Variants in SRRM3 observed in about 807,000 individuals in gnomAD.
SRRM3 encodes the protein serine/arginine repetitive matrix protein 3.
In SRRM3, 27 loss-of-function variants were observed where a neutral mutation model predicts 66.2. The ratio of observed to expected loss-of-function variants is 0.41; its 90% confidence interval spans 0.30 to 0.56. The LOEUF is 0.56. Among genes scored for constraint, SRRM3 ranks in the 20% least tolerant of loss-of-function variants. The pLI, the probability that SRRM3 is intolerant of heterozygous loss-of-function variation, is 0.32. For synonymous variants in SRRM3, 391 were observed against 414.9 expected, an observed-to-expected ratio of 0.94 and a Z score of 0.70; for missense variants, 918 against 991.9, an observed-to-expected ratio of 0.93 and a Z score of 1.00.
chr7:76,261,721 C>A, intron 8 of SRRM3, 140 bp downstream of exon 8: 1 of 943,842 alleles, frequency 1.1e-6, no homozygotes, highest in Non-Finnish European at 1.7e-6. Flanking sequence ...AGCCAGGCTG[C>A]GGGGACAGGG....
At chr7:76,204,827 C>T (rs549720159) in intron 1 of SRRM3, among the ~76,000 whole-genome samples, 26 of 152,314 alleles carry the variant, frequency 1.7e-4, no homozygotes, top group Admixed American at 1.7e-3. Context: ...AATCCTAACA[C>T]TTTGGGAGGC....
intron 1 of SRRM3, among the ~76,000 whole-genome samples, chr7:76,227,265 C>T (rs117496286): frequency 6.6e-6 from 1 of 152,176 alleles, no homozygotes; most frequent in Non-Finnish European, 1.5e-5. Flanking sequence ...GTCAATGCCC[C>T]CAAAGACCAG....
intron 2 of SRRM3, among the ~76,000 whole-genome samples, chr7:76,236,688 A>T (rs1195522928): frequency 1.3e-5 from 2 of 152,232 alleles, no homozygotes; most frequent in African/African-American, 4.8e-5. Flanking sequence ...CTGCCAGGCA[A>T]GGCTGCTTGT....
intron 1 of SRRM3, among the ~76,000 whole-genome samples, chr7:76,233,596 A>G (rs986560087): frequency 2.6e-5 from 4 of 152,274 alleles, no homozygotes; most frequent in African/African-American, 9.6e-5. Context: ...GCGGGAAGCC[A>G]GCAGGTGTGG....
chr7:76,261,355 TG>T lies in SRRM3; in HGVS notation c.582del (p.Ser195AlafsTer12). ...GCCCACCTCCCTGTGTCCACAGCTG[TG>T]GGAGCTCCTCACCCCTCCGCAAGAA... ...KRRLESECSC[G>X]SSSPLRKKKK... On this transcript the variant is annotated frameshift_variant, in exon 7 of 15. Transcript: ENST00000611745. LOFTEE classifies it high-confidence loss of function. 1 of 1,392,396 alleles carries T rather than the reference TG, an allele frequency of 7.2e-7. No individual in the cohort carries two copies. The highest frequency in any genetic ancestry group is 9.5e-7 in the Non-Finnish European group (1 of 1,048,820). 86.3% of individuals were successfully genotyped at this position (1,392,396 alleles called of 1,614,324 possible). A position where few individuals can be genotyped will look rare whatever the true frequency, so the allele number is the denominator to read the frequency against.
At chr7:76,214,803 C>T (rs1046121096) in intron 1 of SRRM3, among the ~76,000 whole-genome samples, 18 of 151,936 alleles carry the variant, frequency 1.2e-4, no homozygotes, top group Admixed American at 6.6e-5. Context: ...GAGATGGGGT[C>T]TTGTTATGTT....
Position 76,267,416 on chromosome 7 carries a change from C to T in SRRM3, c.989C>T (p.Ser330Leu). Reference sequence around the variant, plus strand: ...GGAGCGCACGGGGGCCGCCCCGGCTCGGCGCACAGCCCGCCCGATGTACGT... The same window carrying T: ...GGAGCGCACGGGGGCCGCCCCGGCTTGGCGCACAGCCCGCCCGATGTACGT... ...RSGAHGGRPG[S>L]AHSPPDKPSS... Residue 330 changes from serine (S) to leucine (L), a missense_variant, in exon 11 of 15, where the codon TCG becomes TTG. Physicochemically the swap from Ser to Leu is moderately radical, Grantham distance 145. Transcript: ENST00000611745. 1 of 1,378,138 alleles carries T rather than the reference C, an allele frequency of 7.3e-7. No homozygotes were observed. The highest frequency in any genetic ancestry group is 9.3e-7 in the Non-Finnish European group (1 of 1,071,516). The allele number at this position is 1,378,138 out of a possible 1,614,324, so 85.4% of individuals were successfully genotyped here.
intron 11 of SRRM3, among the ~76,000 whole-genome samples, chr7:76,279,398 A>G (rs1258292626): frequency 6.6e-6 from 1 of 151,942 alleles, no homozygotes; most frequent in Non-Finnish European, 1.5e-5. Flanking sequence ...GTGATGTTAC[A>G]GAGGTGAATC....
At chr7:76,231,301 C>G (rs888914734) in intron 1 of SRRM3, among the ~76,000 whole-genome samples, 1 of 152,234 alleles carries the variant, frequency 6.6e-6, no homozygotes, top group Non-Finnish European at 1.5e-5. Context: ...GCATCTGCCA[C>G]GCCCCTCTTC....
At chr7:76,265,537 G>A in intron 10 of SRRM3, 69 bp downstream of exon 10, 3 of 1,275,976 alleles carry the variant, frequency 2.4e-6, no homozygotes, top group Admixed American at 2.0e-5. Context: ...CACCCCCAAG[G>A]GCTGGGGAGC....
At chr7:76,220,382 A>G (rs1800680396) in intron 1 of SRRM3, among the ~76,000 whole-genome samples, 1 of 152,122 alleles carries the variant, frequency 6.6e-6, no homozygotes, top group Non-Finnish European at 1.5e-5. Context: ...AGAACCTTCC[A>G]GGCATGAGGA....
At chr7:76,284,163 C>T (rs1802600772) in intron 14 of SRRM3, among the ~76,000 whole-genome samples, 1 of 150,842 alleles carries the variant, frequency 6.6e-6, no homozygotes, top group Non-Finnish European at 1.5e-5. Flanking sequence ...CCAGATTGTG[C>T]TACTGCTTCT....
At chr7:76,277,734 A>G (rs3973164) in intron 11 of SRRM3, among the ~76,000 whole-genome samples, 44,746 of 99,436 alleles carry the variant, frequency 0.45, 10,500 homozygotes, top group Non-Finnish European at 0.57. Context: ...AAAAAAAAAA[A>G]AGAGAGAGAG....
rs1802562769 is a variant in SRRM3, at chr7:76,282,841, C to T, written c.1564C>T (p.Arg522Cys). The change falls in exon 13 of 15, where the codon CGC becomes TGC. Residue 522 changes from arginine (R) to cysteine (C), a missense_variant. By Grantham distance (180) the Arg-to-Cys change is radical. Coordinates refer to ENST00000611745, the MANE Select transcript of SRRM3 (RefSeq NM_001110199.3). Reference protein sequence around the residue: ...SAEKRPHSPSRSPSPKKPLSR... With the variant: ...SAEKRPHSPSCSPSPKKPLSR... ...GGAGAAGCGGCCCCACAGCCCCAGC[C>T]GCTCGCCGTCGCCCAAGAAGCCCCT... 5 of 1,455,346 alleles carry T rather than the reference C, an allele frequency of 3.4e-6. No individual in the cohort carries two copies. The highest frequency in any genetic ancestry group is 4.5e-6 in the Non-Finnish European group (5 of 1,108,754). The allele number at this position is 1,455,346 out of a possible 1,614,324, so 90.2% of individuals were successfully genotyped here. A position where few individuals can be genotyped will look rare whatever the true frequency, so the allele number is the denominator to read the frequency against.
intron 9 of SRRM3, 116 bp downstream of exon 9, chr7:76,264,931 G>A (rs1554609287): frequency 8.7e-7 from 1 of 1,143,952 alleles, no homozygotes; most frequent in East Asian, 2.6e-5. Context: ...TGCCCAGATG[G>A]AAAAATTAAG....
intron 1 of SRRM3, among the ~76,000 whole-genome samples, chr7:76,227,530 T>C (rs949702974): frequency 1.3e-5 from 2 of 152,356 alleles, no homozygotes; most frequent in East Asian, 3.9e-4. Context: ...TTGTCCTCAC[T>C]GGCTCTGGCA....
rs782005809 is a variant in SRRM3, at chr7:76,208,537, G to A, written c.-40+6470G>A. On this transcript the variant is annotated intron_variant, in intron 1 of 14. Coordinates refer to ENST00000611745, the MANE Select transcript of SRRM3 (RefSeq NM_001110199.3). ...AAAAAGAAGAAGAAGAAGAAAGAAA[G>A]AAAAAGAAAAAATTAAGCCAGGCAC... Among the ~76,000 whole-genome samples, 11 of 151,032 alleles carry A rather than the reference G, an allele frequency of 7.3e-5. No individual in the cohort carries two copies. In the East Asian group the frequency reaches 2.1e-3, roughly 29 times the overall value.
At chr7:76,240,631 A>C (rs1307846674) in intron 2 of SRRM3, among the ~76,000 whole-genome samples, 4 of 151,952 alleles carry the variant, frequency 2.6e-5, no homozygotes, top group African/African-American at 7.3e-5. Context: ...AAAAAAAAAA[A>C]AAAAAACATT....
chr7:76,285,657 TTCC>T lies in SRRM3; in HGVS notation c.1783_1785del (p.Ser596del), dbSNP rs1554612666. ...TTCCATACTACCGGCCCAGCCCCTC[TTCC>T]TCCTCCAGCTGCTTGAGCAGCGACT... On this transcript the variant is annotated inframe_deletion, in exon 15 of 15. Transcript: ENST00000611745. This position sits in a 1 kb window ranked among gnomAD's most constrained non-coding sequence, Gnocchi z 4.1. 1.9e-6 allele frequency: 3 copies of T among 1,551,140 alleles called. No individual in the cohort carries two copies. The highest frequency in any genetic ancestry group is 1.7e-6 in the Non-Finnish European group (2 of 1,146,926).
Sources: allele counts gnomAD v4.1 joint callset (sites outside exome capture counted in the v4.1 genomes callset), GRCh38; gene constraint gnomAD v4.1.1; non-coding constraint Gnocchi (gnomAD v3.1); transcripts MANE v1.5; gene names NCBI Gene and HGNC (gene_info 2026-07-23, HGNC 2026-07-21).